XXYLT1: variants seen among roughly 807,000 people sequenced by gnomAD.
XXYLT1 encodes UDP-xylose:alpha-xyloside alpha-1,3-xylosyltransferase.
In XXYLT1, 20 loss-of-function variants were observed where a neutral mutation model predicts 28.9. The ratio of observed to expected loss-of-function variants is 0.69; its 90% CI spans 0.49 to 1.00. The LOEUF is 1.00. XXYLT1 is among the 50% of genes least tolerant of loss of function. The pLI is 0.00. For missense variants in XXYLT1, 542 were observed against 560.1 expected, an observed-to-expected ratio of 0.97 and a Z score of 0.33; for synonymous variants, 257 against 253.8, an observed-to-expected ratio of 1.01 and a Z score of -0.12.
chr3:195,253,490 T>C (rs1725350453), intron 1 of XXYLT1, among the ~76,000 whole-genome samples: 1 of 149,642 alleles, frequency 6.7e-6, no homozygotes, highest in Non-Finnish European at 1.5e-5. Flanking sequence ...ACTGCTCACA[T>C]TTCTTTTTTT....
At chr3:195,134,827 GT>G (rs1392218434) in intron 3 of XXYLT1, among the ~76,000 whole-genome samples, 144 of 13,784 alleles carry the variant, frequency 0.01, no homozygotes, top group Middle Eastern at 0.036. Flanking sequence ...GTGAAGAGGG[GT>G]GTGTGTGTGT....
chr3:195,206,869 G>A (rs751708958), intron 2 of XXYLT1, among the ~76,000 whole-genome samples: 4 of 152,198 alleles, frequency 2.6e-5, no homozygotes, highest in African/African-American at 9.6e-5. Flanking sequence ...GGTGGGAGTC[G>A]AGATGAAAAG....
rs1050704012 is a variant in XXYLT1, at chr3:195,124,812, G to C, written c.785+31637C>G. Among the ~76,000 whole-genome samples, 1 of 152,142 alleles carries C rather than the reference G, an allele frequency of 6.6e-6. No individual in the cohort carries two copies. The highest frequency in any genetic ancestry group is 1.5e-5 in the Non-Finnish European group (1 of 68,026). ...CTCCCACTAGAGCCAAGCAGCGTAC[G>C]GACAGGGGCTGGCTCCGGGAAGGCT... is the stretch of plus-strand genomic sequence containing the variant. On this transcript the variant is annotated intron_variant, in intron 3 of 3. Transcript: ENST00000310380. This position sits in a 1 kb window ranked among gnomAD's most constrained non-coding sequence, Gnocchi z 4.1.
intron 2 of XXYLT1, among the ~76,000 whole-genome samples, chr3:195,174,144 C>T (rs114921071): frequency 0.027 from 4,052 of 152,220 alleles, 181 homozygotes; most frequent in African/African-American, 0.093. Flanking sequence ...TTGCTACTGG[C>T]AATCAGGAAA....
rs1178622016 is a variant in XXYLT1, at chr3:195,209,378, G to C, written c.652+17331C>G. Reference sequence around the variant, plus strand: ...GCTGCTGCGTGCTCCTGTCCACACAGGGTGGGAATCCTCCTCACCCCCTCG... The same window carrying C: ...GCTGCTGCGTGCTCCTGTCCACACACGGTGGGAATCCTCCTCACCCCCTCG... On this transcript the variant is annotated intron_variant, in intron 2 of 3. Transcript: ENST00000310380. This position sits in a 1 kb window ranked among gnomAD's most constrained non-coding sequence, Gnocchi z 5.0. 6.6e-6 allele frequency: 1 copy of C among 152,340 alleles called. No individual in the cohort carries two copies. Among genetic ancestry groups the C allele is most frequent in the African/African-American group, 2.4e-5 (1 of 41,474 alleles). 9.4% of individuals were successfully genotyped at this position (152,340 alleles called of 1,614,324 possible).
Position 195,226,758 on chromosome 3 carries a change from A to T in XXYLT1, c.603T>A (p.Ser201Arg). ...HFSAGLGTYY[S>R]DSIFFLSVAM... is the part of the protein sequence containing the mutation. Reference sequence around the variant, plus strand: ...CGACCGAGAGGAAGAAGATGGAGTCACTGTAGTAGGTTCCCAAGCCAGCAC... The same window carrying T: ...CGACCGAGAGGAAGAAGATGGAGTCTCTGTAGTAGGTTCCCAAGCCAGCAC... Residue 201 changes from serine to arginine, a missense_variant, in exon 2 of 4, where the codon AGT (serine) becomes AGA (arginine). Physicochemically the swap from Ser to Arg is moderately radical, Grantham distance 110. Coordinates refer to ENST00000310380, the MANE Select transcript of XXYLT1 (RefSeq NM_152531.5). 6.2e-7 allele frequency: 1 copy of T among 1,613,778 alleles called. No homozygotes were observed. Among genetic ancestry groups the T allele is most frequent in the Non-Finnish European group, 8.5e-7 (1 of 1,179,942 alleles).
chr3:195,234,639 T>C (rs1724456590), intron 1 of XXYLT1, among the ~76,000 whole-genome samples: 1 of 152,260 alleles, frequency 6.6e-6, no homozygotes, highest in South Asian at 2.1e-4. Context: ...TTTTGCCATA[T>C]ATGCTATTTA....
rs577484977 is a variant in XXYLT1, at chr3:195,195,386, C to T, written c.652+31323G>A. On this transcript the variant is annotated intron_variant, in intron 2 of 3. Transcript: ENST00000310380. This position sits in a 1 kb window ranked among gnomAD's most constrained non-coding sequence, Gnocchi z 4.4. ...GCTCTGAGAAGGTGGCCTGGCTTCC[C>T]CAGGGGTGACCACCACGGATTCCTT... Among the ~76,000 whole-genome samples the T allele has an allele frequency of 2.0e-5, 3 of 152,326 alleles. No homozygotes were observed. The highest frequency in any genetic ancestry group is 7.2e-5 in the African/African-American group (3 of 41,574).
In XXYLT1 at chr3:195,239,859, C is replaced by T. The variant is rs890239760; in HGVS notation, c.505-13003G>A. ...AAATGTCACCCCAACCCACAAGAAC[C>T]CATGTTCGTATCATGAGGGCAGTTG... On this transcript the variant is annotated intron_variant, in intron 1 of 3. Coordinates refer to ENST00000310380, the MANE Select transcript of XXYLT1 (RefSeq NM_152531.5). Among the ~76,000 whole-genome samples the T allele has an allele frequency of 4.6e-5, 7 of 152,094 alleles. No homozygotes were observed. In the East Asian group the frequency reaches 1.4e-3, roughly 29 times the overall value.
chr3:195,244,801 A>T (rs1284255384), intron 1 of XXYLT1, among the ~76,000 whole-genome samples: 1 of 148,368 alleles, frequency 6.7e-6, no homozygotes, highest in Non-Finnish European at 1.5e-5. Flanking sequence ...TCATTTAAAA[A>T]TTTTTAAACT....
At chr3:195,110,478 TG>T (rs1717573020) in intron 3 of XXYLT1, among the ~76,000 whole-genome samples, 1 of 18,392 alleles carries the variant, frequency 5.4e-5, no homozygotes, top group Admixed American at 6.1e-4. Flanking sequence ...GTGAGGTGTG[TG>T]TGTATGTGGT....
intron 3 of XXYLT1, chr3:195,094,461 C>G (rs1169815040): frequency 1.9e-5 from 3 of 154,134 alleles, no homozygotes; most frequent in African/African-American, 7.2e-5. Flanking sequence ...TTGTTCTGTC[C>G]AGACACAAAG....
intron 3 of XXYLT1, among the ~76,000 whole-genome samples, chr3:195,087,691 G>A (rs568971341): frequency 1.3e-5 from 2 of 152,324 alleles, no homozygotes; most frequent in East Asian, 1.9e-4. Context: ...CAAGATGGCC[G>A]AATAGGAACA....
chr3:195,177,099 C>T (rs1721705268), intron 2 of XXYLT1, among the ~76,000 whole-genome samples: 1 of 152,236 alleles, frequency 6.6e-6, no homozygotes, highest in African/African-American at 2.4e-5. Flanking sequence ...CAGGCTTCTA[C>T]AGGAGCCCTT....
intron 2 of XXYLT1, among the ~76,000 whole-genome samples, chr3:195,212,748 C>T (rs1314859992): frequency 1.3e-5 from 2 of 152,162 alleles, no homozygotes; most frequent in East Asian, 1.9e-4. Context: ...CCCCCAACCA[C>T]CCCTCGGTCC....
intron 2 of XXYLT1, among the ~76,000 whole-genome samples, chr3:195,219,618 T>C (rs1378376869): frequency 6.6e-6 from 1 of 152,204 alleles, no homozygotes; most frequent in Non-Finnish European, 1.5e-5. Flanking sequence ...TGCAGGCCTG[T>C]GAACCTAGGC....
intron 3 of XXYLT1, among the ~76,000 whole-genome samples, chr3:195,070,818 G>C (rs1714761068): frequency 6.6e-6 from 1 of 152,196 alleles, no homozygotes; most frequent in African/African-American, 2.4e-5. Flanking sequence ...CCATGGGTTA[G>C]GGTGAAAGAC....
intron 2 of XXYLT1, among the ~76,000 whole-genome samples, chr3:195,197,752 G>C (rs994058362): frequency 6.6e-6 from 1 of 152,220 alleles, no homozygotes; most frequent in Non-Finnish European, 1.5e-5. Flanking sequence ...CCTTCACATT[G>C]CTAAATCTAG....
At chr3:195,268,260 T>C (rs932609516) in intron 1 of XXYLT1, among the ~76,000 whole-genome samples, 8 of 147,928 alleles carry the variant, frequency 5.4e-5, no homozygotes, top group African/African-American at 2.0e-4. Flanking sequence ...TGAAACCCCA[T>C]CTCTACTAAA....
Sources: gnomAD v4.1 joint callset for allele counts (sites outside exome capture counted in the v4.1 genomes callset) on GRCh38, gnomAD v4.1.1 for gene constraint, Gnocchi (gnomAD v3.1) non-coding constraint, MANE v1.5 for transcripts, NCBI Gene and HGNC (gene_info 2026-07-23, HGNC 2026-07-21) for gene names.